The following GLIS3 variants were observed in gnomAD, a reference collection of about 807,000 sequenced individuals.
GLIS3 encodes the protein GLIS family zinc finger 3, also known as zinc finger protein GLIS3.
A neutral mutation model predicts 78.6 loss-of-function variants in GLIS3; 53 were observed. The observed-to-expected ratio is 0.67, with a 90% CI of 0.54 to 0.85. The LOEUF (loss-of-function observed/expected upper bound fraction) is 0.85. Ranked by LOEUF, GLIS3 falls within the 40% of genes least tolerant of loss-of-function variation. The pLI, the probability that GLIS3 is intolerant of heterozygous loss-of-function variation, is 0.00. For synonymous variants in GLIS3, 684 were observed against 509.9 expected (o/e 1.34, Z -4.60); for missense variants, 1,703 against 1,231.1 (o/e 1.38, Z -5.74).
At chr9:4,219,898 G>A (rs1045923342) in intron 2 of GLIS3, among the ~76,000 whole-genome samples, 3 of 152,102 alleles carry the variant, frequency 2.0e-5, no homozygotes, top group African/African-American at 7.2e-5. Flanking sequence ...AGCACACCCA[G>A]CACTCAGATC....
Position 4,321,421 on chromosome 9 carries a change from C to CAAAAAAAAA in GLIS3, n.265-10902_265-10894dup. Among the ~76,000 whole-genome samples, 120 of 16,296 alleles carry CAAAAAAAAA rather than the reference C, an allele frequency of 7.4e-3. 45 individuals are homozygous for CAAAAAAAAA. Among genetic ancestry groups the CAAAAAAAAA allele is most frequent in the South Asian group, 0.016 (4 of 254 alleles). 10.7% of individuals were successfully genotyped at this position (16,296 alleles called of 152,430 possible). A position where few individuals can be genotyped will look rare whatever the true frequency, so the allele number is the denominator to read the frequency against. On this transcript the variant is annotated intron_variant and non_coding_transcript_variant, in intron 2 of 4. Coordinates refer to the GLIS3 transcript ENST00000471664. Reference sequence around the variant, plus strand: ...TGGGCCACAGAGCTAGACTCCGTCTCAAAAAAAAAAAAAAAAAAAAAAAAA... The same window carrying CAAAAAAAAA: ...TGGGCCACAGAGCTAGACTCCGTCTCAAAAAAAAAAAAAAAAAAAAAAAAAAAAAAAAAA...
At chr9:4,109,009 A>T (rs192743744) in intron 4 of GLIS3, among the ~76,000 whole-genome samples, 3 of 152,254 alleles carry the variant, frequency 2.0e-5, no homozygotes, top group Admixed American at 1.3e-4. Flanking sequence ...CTAGAGAGAC[A>T]TGGGGTTCTA....
the GLIS3 span, among the ~76,000 whole-genome samples, chr9:4,384,212 G>A: frequency 2.8e-4 from 42 of 152,140 alleles, no homozygotes; most frequent in Admixed American, 2.7e-3. Flanking sequence ...GTGAACACAG[G>A]GTGCTGGACC....
chr9:4,237,780 T>A (rs1822904743), intron 2 of GLIS3, among the ~76,000 whole-genome samples: 1 of 152,254 alleles, frequency 6.6e-6, no homozygotes, highest in Non-Finnish European at 1.5e-5. Flanking sequence ...AAATAACTAC[T>A]GACAGGTTCT....
chr9:4,132,193 C>G (rs1431624411), intron 2 of GLIS3, among the ~76,000 whole-genome samples: 1 of 152,202 alleles, frequency 6.6e-6, no homozygotes, highest in Non-Finnish European at 1.5e-5. Context: ...TTTTTAGAGA[C>G]TACATGATGT....
chr9:4,401,541 G>C, the GLIS3 span, among the ~76,000 whole-genome samples: 1 of 150,890 alleles, frequency 6.6e-6, no homozygotes, highest in African/African-American at 2.4e-5. Context: ...TTGAATTACC[G>C]GTGTGAGCCA....
intron 6 of GLIS3, among the ~76,000 whole-genome samples, chr9:3,900,186 T>TAAAAAAAAA (rs112638097): frequency 7.8e-6 from 1 of 128,858 alleles, no homozygotes; most frequent in Non-Finnish European, 1.7e-5. Flanking sequence ...CAGAAACTGT[T>TAAAAAAAAA]AAAAAAAAAA....
chr9:4,246,978 T>TA (rs1349050146), intron 2 of GLIS3, among the ~76,000 whole-genome samples: 1 of 152,240 alleles, frequency 6.6e-6, no homozygotes, highest in Non-Finnish European at 1.5e-5. Context: ...TTAAGCATAA[T>TA]ACATTTGTGA....
At chr9:4,253,609 G>A (rs545840782) in intron 2 of GLIS3, among the ~76,000 whole-genome samples, 1 of 152,174 alleles carries the variant, frequency 6.6e-6, no homozygotes, top group African/African-American at 2.4e-5. Flanking sequence ...CTTTCCAGGT[G>A]AGTGAACGAT....
chr9:4,386,328 T>A, the GLIS3 span: 4 of 152,230 alleles, frequency 2.6e-5, no homozygotes, highest in African/African-American at 9.6e-5. Flanking sequence ...CTTTTGTGTG[T>A]AGCCAGGAAT....
the GLIS3 span, among the ~76,000 whole-genome samples, chr9:4,394,896 G>A: frequency 5.3e-5 from 8 of 152,280 alleles, no homozygotes; most frequent in East Asian, 3.9e-4. Flanking sequence ...GACCACAGCC[G>A]CAATAGCTAG....
At chr9:4,028,393 T>C (rs924535473) in intron 4 of GLIS3, among the ~76,000 whole-genome samples, 2 of 152,130 alleles carry the variant, frequency 1.3e-5, no homozygotes, top group Non-Finnish European at 2.9e-5. Context: ...GACCAAAGGA[T>C]TTCCCATTTT....
intron 3 of GLIS3, among the ~76,000 whole-genome samples, chr9:4,123,021 G>A (rs1208670208): frequency 2.0e-5 from 3 of 151,874 alleles, no homozygotes; most frequent in Non-Finnish European, 2.9e-5. Context: ...TCTTATTATT[G>A]GATTAAATAG....
At chr9:3,952,936 C>G (rs954580077) in intron 4 of GLIS3, among the ~76,000 whole-genome samples, 1 of 152,142 alleles carries the variant, frequency 6.6e-6, no homozygotes, top group Non-Finnish European at 1.5e-5. Flanking sequence ...CCCAGCCCAG[C>G]TTTTCCCTTA....
At chr9:4,351,926 G>A (rs192557748), upstream of GLIS3, among the ~76,000 whole-genome samples, 1 of 152,170 alleles carries the variant, frequency 6.6e-6, no homozygotes, top group African/African-American at 2.4e-5. Flanking sequence ...AGTAGTGCCT[G>A]TATTTGAGTT....
intron 2 of GLIS3, among the ~76,000 whole-genome samples, chr9:4,317,813 G>C (rs1052010904): frequency 1.2e-4 from 18 of 152,176 alleles, no homozygotes; most frequent in Non-Finnish European, 1.5e-5. Flanking sequence ...AAACCATTGA[G>C]AGTGAATGAA....
chr9:4,429,595 A>G, the GLIS3 span, among the ~76,000 whole-genome samples: 1 of 152,016 alleles, frequency 6.6e-6, no homozygotes, highest in African/African-American at 2.4e-5. Flanking sequence ...ATAGTGCTTG[A>G]CCCCATGACA....
At chr9:4,477,274 C>T in the GLIS3 span, among the ~76,000 whole-genome samples, 7 of 145,912 alleles carry the variant, frequency 4.8e-5, no homozygotes, top group East Asian at 1.5e-3. Context: ...ATGTGTGAAC[C>T]TAAACGACAT....
At chr9:3,999,830 G>T (rs972485158) in intron 4 of GLIS3, among the ~76,000 whole-genome samples, 3 of 152,120 alleles carry the variant, frequency 2.0e-5, no homozygotes, top group African/African-American at 7.2e-5. Context: ...GAAGAACAGA[G>T]CTGGGGGACT....
Sources: allele counts gnomAD v4.1 joint callset (sites outside exome capture counted in the v4.1 genomes callset), GRCh38; gene constraint gnomAD v4.1.1; transcripts MANE v1.5; gene names NCBI Gene and HGNC (gene_info 2026-07-23, HGNC 2026-07-21).